The following KCNT1 variants were observed in gnomAD, a reference collection of about 807,000 sequenced individuals.
KCNT1 encodes the protein potassium channel subfamily T member 1.
KCNT1 carries 78 observed loss-of-function variants against 147.8 expected under a neutral mutation model. The ratio of observed to expected loss-of-function variants is 0.53; its 90% CI spans 0.44 to 0.64. The LOEUF (loss-of-function observed/expected upper bound fraction) is 0.64. Ranked by LOEUF, KCNT1 falls within the 30% of genes least tolerant of loss-of-function variation. The pLI is 0.00. For missense variants in KCNT1, 1,419 were observed against 1,750.3 expected (o/e 0.81, Z 3.38); for synonymous variants, 867 against 748.8 (o/e 1.16, Z -2.58).
Position 135,771,049 on chromosome 9 carries a change from C to T in KCNT1, c.1962C>T (p.His654=), listed in dbSNP as rs141759469. Residue 654 remains histidine, a synonymous_variant, in exon 18 of 31, where the codon CAC becomes CAT. Coordinates refer to ENST00000371757, the MANE Select transcript of KCNT1 (RefSeq NM_020822.3). ...KKRAFSGQGL[H]EGPARLPVHS... ...GGGCCTTCTCGGGGCAGGGGCTGCA[C>T]GAGGGTCCGGCCCGCCTGCCCGTGC... 130 of 1,612,406 alleles carry T rather than the reference C, an allele frequency of 8.1e-5. No individual in the cohort carries two copies. Among genetic ancestry groups the T allele is most frequent in the Non-Finnish European group, 1.0e-4 (121 of 1,179,438 alleles).
intron 2 of KCNT1, among the ~76,000 whole-genome samples, chr9:135,719,395 C>T (rs1278663121): frequency 6.6e-6 from 1 of 152,190 alleles, no homozygotes; most frequent in Non-Finnish European, 1.5e-5. Flanking sequence ...GTGCGGCTTC[C>T]ATCCTGCCCT....
chr9:135,778,544 CCCT>C, intron 22 of KCNT1, 49 bp downstream of exon 22: 6 of 1,604,316 alleles, frequency 3.7e-6, no homozygotes, highest in Middle Eastern at 1.7e-4. Context: ...CCCACCCCTC[CCCT>C]CCTCTTCCAA....
chr9:135,770,191 G>A, intron 16 of KCNT1, 107 bp from the exon 17 acceptor site: 1 of 1,424,790 alleles, frequency 7.0e-7, no homozygotes, highest in Non-Finnish European at 9.5e-7. Flanking sequence ...GCATAGGGAG[G>A]GGATCCATGC....
chr9:135,776,280 C>CG (rs1564379081), intron 20 of KCNT1, among the ~76,000 whole-genome samples: 1 of 151,854 alleles, frequency 6.6e-6, no homozygotes, highest in African/African-American at 2.4e-5. Flanking sequence ...TTTTTTAAGA[C>CG]GGGGTCCCAC....
At chr9:135,739,456 C>T (rs1328240406) in intron 2 of KCNT1, among the ~76,000 whole-genome samples, 2 of 151,696 alleles carry the variant, frequency 1.3e-5, no homozygotes, top group East Asian at 1.9e-4. Context: ...ACCCCGGACA[C>T]CCTTGCCAGG....
chr9:135,720,310 G>A (rs780049543), intron 2 of KCNT1, among the ~76,000 whole-genome samples: 1 of 151,996 alleles, frequency 6.6e-6, no homozygotes, highest in Non-Finnish European at 1.5e-5. Context: ...AAGGGGTTGC[G>A]GTGGGGATGT....
At position 135,784,792 on chromosome 9, in the gene KCNT1, G is replaced by A. The variant is rs373365707; in HGVS notation, c.3059G>A (p.Arg1020His). ...ATCACCGAGGGCGACCTGTGGATCC[G>A]CACGTACGGCCGCCTCTTCCAGAAG... ...MKITEGDLWI[R>H]TYGRLFQKLC... The change falls in exon 27 of 31, where the codon CGC becomes CAC. Residue 1020 changes from arginine (R) to histidine (H), a missense_variant. Arg to His is a conservative substitution (Grantham distance 29). This residue lies in a region of KCNT1 where 247 missense variants were observed against 397.1 expected (regional missense o/e 0.62). Coordinates refer to ENST00000371757, the MANE Select transcript of KCNT1 (RefSeq NM_020822.3). 2.2e-5 allele frequency: 36 copies of A among 1,612,622 alleles called. No homozygotes were observed. Among genetic ancestry groups the A allele is most frequent in the Middle Eastern group, 1.6e-4 (1 of 6,084 alleles).
chr9:135,778,407 G>T lies in KCNT1; in HGVS notation c.2523-17G>T. On this transcript the variant is annotated splice_polypyrimidine_tract_variant and intron_variant, in intron 21 of 30. Transcript: ENST00000371757. ...CTTGAAGCAGGGTGGGCCCCTCCAG[G>T]ACCGCTGTCCCCACAGGCCCGACCA... 1.9e-6 allele frequency: 3 copies of T among 1,549,976 alleles called. No individual in the cohort carries two copies. In the South Asian group the frequency reaches 3.6e-5, roughly 18 times the overall value.
intron 1 of KCNT1, 72 bp downstream of exon 1, chr9:135,702,440 G>A: frequency 4.8e-6 from 6 of 1,244,846 alleles, no homozygotes; most frequent in Non-Finnish European, 5.9e-6. Context: ...TCCCCCTCAG[G>A]CTCCCGCACC....
intron 18 of KCNT1, 185 bp downstream of exon 18, chr9:135,771,280 G>GGGAGACCAGGTGGGACA: frequency 1.6e-6 from 1 of 624,482 alleles, no homozygotes; most frequent in Non-Finnish European, 2.8e-6. Flanking sequence ...CAGGCAGGGC[G>GGGAGACCAGGTGGGACA]GGAGACCAGG....
chr9:135,758,316 C>CA (rs1564353969), intron 9 of KCNT1, 98 bp from the exon 10 acceptor site: 233 of 910,402 alleles, frequency 2.6e-4, no homozygotes, highest in African/African-American at 4.2e-4. Context: ...CAGGTGTGGC[C>CA]GGGCCGTCTG....
intron 1 of KCNT1, among the ~76,000 whole-genome samples, chr9:135,703,595 A>G (rs571842): frequency 0.92 from 139,973 of 152,266 alleles, 64,470 homozygotes; most frequent in East Asian, 0.98. Context: ...GCTCTGAGGG[A>G]CTATCCGGGG....
In KCNT1 at chr9:135,791,875, A is replaced by G. The variant is rs2131604934; in HGVS notation, c.3581A>G (p.Asp1194Gly). 6.2e-7 allele frequency: 1 copy of G among 1,613,740 alleles called. No homozygotes were observed. The highest frequency in any genetic ancestry group is 8.5e-7 in the Non-Finnish European group (1 of 1,179,880). Residue 1194 changes from aspartate to glycine, a missense_variant, in exon 30 of 31, where the codon GAC (aspartate) becomes GGC (glycine). Asp to Gly is a moderately conservative substitution (Grantham distance 94). Transcript: ENST00000371757. ...PPPDTRLEPS[D>G]IVYLIRSDPL... ...CCCGACACGAGGCTGGAGCCCAGTG[A>G]CATTGTGTGAGTAGCACCTGTGGGC... is the stretch of plus-strand genomic sequence containing the variant.
chr9:135,788,273 G>C, intron 29 of KCNT1: 1 of 912,980 alleles, frequency 1.1e-6, no homozygotes, highest in South Asian at 1.3e-5. Flanking sequence ...GGAGCTGTGA[G>C]AGCACGTCCC....
At chr9:135,732,024 A>AGAGAGAGAGAGAGAGGGAGAGG (rs1554766186) in intron 2 of KCNT1, among the ~76,000 whole-genome samples, 11 of 65,114 alleles carry the variant, frequency 1.7e-4, no homozygotes, top group Non-Finnish European at 2.5e-4. Flanking sequence ...AGAGAGAGAG[A>AGAGAGAGAGAGAGAGGGAGAGG]GAGAGAGAGA....
intron 19 of KCNT1, among the ~76,000 whole-genome samples, chr9:135,774,518 TCTGTGTGTG>T (rs1472893535): frequency 2.0e-5 from 3 of 150,838 alleles, no homozygotes; most frequent in Non-Finnish European, 4.4e-5. Flanking sequence ...ATGTTGTGTG[TCTGTGTGTG>T]CTGTGTGTCT....
chr9:135,779,627 A>C (rs1833462055), intron 24 of KCNT1, among the ~76,000 whole-genome samples, 157 bp downstream of exon 24: 1 of 152,232 alleles, frequency 6.6e-6, no homozygotes, highest in African/African-American at 2.4e-5. Context: ...CCCAGCATGG[A>C]CAGGGTGCTC....
intron 29 of KCNT1, chr9:135,788,270 T>C (rs1262498054): frequency 1.1e-6 from 1 of 920,798 alleles, no homozygotes; most frequent in Non-Finnish European, 1.8e-6. Context: ...ACAGGAGCTG[T>C]GAGAGCACGT....
chr9:135,723,686 G>A (rs893437598), intron 2 of KCNT1, among the ~76,000 whole-genome samples: 4 of 152,190 alleles, frequency 2.6e-5, no homozygotes, highest in African/African-American at 9.7e-5. Context: ...GTGGGTGTCC[G>A]GAGCATCTAG....
Sources: allele counts gnomAD v4.1 joint callset (sites outside exome capture counted in the v4.1 genomes callset), GRCh38; gene constraint gnomAD v4.1.1; regional missense constraint gnomAD v4.1.1; transcripts MANE v1.5; gene names NCBI Gene and HGNC (gene_info 2026-07-23, HGNC 2026-07-21).